HECW1: variants seen among roughly 807,000 people sequenced by gnomAD.
HECW1 encodes the protein E3 ubiquitin-protein ligase HECW1.
Under a neutral mutation model 182.3 loss-of-function variants are expected in HECW1, and 61 were observed. The ratio of observed to expected loss-of-function variants is 0.33; its 90% CI spans 0.27 to 0.41. HECW1 has a LOEUF of 0.41. HECW1 is among the 10% of genes least tolerant of loss of function. The pLI is 1.00. For synonymous variants in HECW1, 859 were observed against 832.6 expected (o/e 1.03, Z -0.55); for missense variants, 1,739 against 2,108.9 (o/e 0.82, Z 3.44).
chr7:43,444,718 G>C lies in HECW1; in HGVS notation c.1546G>C (p.Glu516Gln), dbSNP rs2076990278. 13 of 1,611,854 alleles carry C rather than the reference G, an allele frequency of 8.1e-6. 1 individual carries two copies. In the South Asian group the frequency reaches 1.2e-4, roughly 15 times the overall value. Residue 516 changes from glutamate to glutamine, a missense_variant, in exon 11 of 30, where the codon GAG becomes CAG. By Grantham distance (29) the Glu-to-Gln change is conservative. This residue lies in a region of HECW1 where 971 missense variants were observed against 1,029.1 expected (regional missense o/e 0.94). Coordinates refer to ENST00000395891, the MANE Select transcript of HECW1 (RefSeq NM_015052.5). This position sits in a 1 kb window ranked among gnomAD's most constrained non-coding sequence, Gnocchi z 4.3. ...GGAGGAGGGAGATGTGTCTACCCTG[G>C]AGCAGGGAGAGGGCAGGCTGCAGCT... ...QEEEGDVSTL[E>Q]QGEGRLQLRA... is the part of the protein sequence containing the mutation.
intron 26 of HECW1, among the ~76,000 whole-genome samples, chr7:43,548,459 G>T (rs2081658314): frequency 6.6e-6 from 1 of 152,134 alleles, no homozygotes; most frequent in Non-Finnish European, 1.5e-5. Context: ...TCAAAAGGGG[G>T]TCACCAAGAA....
chr7:43,494,425 G>A (rs369107746), intron 19 of HECW1, among the ~76,000 whole-genome samples: 5 of 151,864 alleles, frequency 3.3e-5, no homozygotes, highest in East Asian at 1.9e-4. Context: ...AGTTACCTAC[G>A]TAAAGCATAG....
At chr7:43,471,595 A>G (rs916451844) in intron 16 of HECW1, among the ~76,000 whole-genome samples, 1 of 152,218 alleles carries the variant, frequency 6.6e-6, no homozygotes, top group Non-Finnish European at 1.5e-5. Flanking sequence ...ACACGCTGGC[A>G]TCTGACTCAT....
chr7:43,273,661 G>A (rs967491616), intron 3 of HECW1, among the ~76,000 whole-genome samples: 6 of 151,946 alleles, frequency 3.9e-5, no homozygotes, highest in African/African-American at 1.2e-4. Context: ...AATCTTTTAA[G>A]CCTAAAATAA....
chr7:43,158,232 A>G (rs937758167), intron 2 of HECW1, among the ~76,000 whole-genome samples: 2 of 152,182 alleles, frequency 1.3e-5, no homozygotes, highest in Admixed American at 6.5e-5. Context: ...GTTGACCAAT[A>G]TGGGTGGTTA....
chr7:43,143,942 A>G (rs977145861), intron 2 of HECW1, among the ~76,000 whole-genome samples: 1 of 152,166 alleles, frequency 6.6e-6, no homozygotes, highest in African/African-American at 2.4e-5. Context: ...ACCTGCTAAG[A>G]CTGTGTTTGT....
chr7:43,378,031 A>G, intron 6 of HECW1: 1 of 176,520 alleles, frequency 5.7e-6, no homozygotes, highest in Non-Finnish European at 1.2e-5. Context: ...AGTCACTAAT[A>G]AATAGTTGTG....
intron 10 of HECW1, among the ~76,000 whole-genome samples, chr7:43,443,104 C>T (rs550195296): frequency 8.7e-4 from 132 of 152,300 alleles, no homozygotes; most frequent in Admixed American, 3.1e-3. Flanking sequence ...ATAAATAGGA[C>T]AGAAAACTCC....
chr7:43,306,760 C>A (rs1807619372), intron 3 of HECW1, among the ~76,000 whole-genome samples: 1 of 151,924 alleles, frequency 6.6e-6, no homozygotes, highest in Admixed American at 6.6e-5. Context: ...ACTGACAGAG[C>A]AGAATCTTTT....
rs117250149 is a variant in HECW1 at position 43,398,501 on chromosome 7, T to C, written c.631+1612T>C. Among the ~76,000 whole-genome samples, 44 of 152,284 alleles carry C rather than the reference T, an allele frequency of 2.9e-4. 1 individual carries two copies. The East Asian group carries it at 7.9e-3, about 27-fold the overall frequency. ...CCAGAGGTCACAGGCATGAAGTACA[T>C]GTGCCTCCTTGGGAGCTACACTGTT... On this transcript the variant is annotated intron_variant, in intron 7 of 29. Transcript: ENST00000395891.
At chr7:43,176,621 T>A (rs1428120610) in intron 2 of HECW1, among the ~76,000 whole-genome samples, 1 of 152,222 alleles carries the variant, frequency 6.6e-6, no homozygotes, top group East Asian at 1.9e-4. Context: ...TTGTGATAAC[T>A]AACCCCCTCC....
At chr7:43,245,980 T>C (rs954981118) in intron 3 of HECW1, among the ~76,000 whole-genome samples, 1 of 152,162 alleles carries the variant, frequency 6.6e-6, no homozygotes, top group African/African-American at 2.4e-5. Context: ...TAATATTTTA[T>C]AAGAAGATTC....
chr7:43,118,321 A>G (rs978781296), intron 2 of HECW1: 1 of 152,682 alleles, frequency 6.5e-6, no homozygotes, highest in African/African-American at 2.4e-5. Flanking sequence ...ACGTGCATGG[A>G]TGTTCCCTGC....
intron 2 of HECW1, among the ~76,000 whole-genome samples, chr7:43,219,340 G>A (rs897865453): frequency 2.0e-5 from 3 of 152,084 alleles, no homozygotes; most frequent in African/African-American, 7.2e-5. Flanking sequence ...CTTCAAAAAC[G>A]AAAACTTTCC....
chr7:43,453,957 C>A (rs1289303389), intron 12 of HECW1, among the ~76,000 whole-genome samples: 1 of 152,196 alleles, frequency 6.6e-6, no homozygotes, highest in African/African-American at 2.4e-5. Context: ...TCTGATTACA[C>A]TTAGCTATTA....
At chr7:43,154,853 A>G (rs1789710334) in intron 2 of HECW1, among the ~76,000 whole-genome samples, 1 of 152,178 alleles carries the variant, frequency 6.6e-6, no homozygotes, top group Admixed American at 6.6e-5. Flanking sequence ...GTTAGGCATT[A>G]TCTTTTTGTT....
chr7:43,118,931 C>A (rs1230661833), intron 2 of HECW1: 5 of 152,164 alleles, frequency 3.3e-5, no homozygotes, highest in Non-Finnish European at 5.9e-5. Context: ...GATGGATTTT[C>A]TGTTTCTTTT....
chr7:43,419,127 C>T (rs2076103988), intron 8 of HECW1, among the ~76,000 whole-genome samples: 1 of 152,162 alleles, frequency 6.6e-6, no homozygotes, highest in East Asian at 1.9e-4. Context: ...CTCTTCTTTC[C>T]GGAATTCCTC....
chr7:43,253,423 C>A (rs972035107), intron 3 of HECW1, among the ~76,000 whole-genome samples: 1 of 152,174 alleles, frequency 6.6e-6, no homozygotes, highest in African/African-American at 2.4e-5. Context: ...TCAAATCTAG[C>A]CTCCTTTATT....
Sources: allele counts gnomAD v4.1 joint callset (sites outside exome capture counted in the v4.1 genomes callset), GRCh38; gene constraint gnomAD v4.1.1; regional missense constraint gnomAD v4.1.1; non-coding constraint Gnocchi (gnomAD v3.1); transcripts MANE v1.5; gene names NCBI Gene and HGNC (gene_info 2026-07-23, HGNC 2026-07-21).